FLNA: variants seen among roughly 807,000 people sequenced by gnomAD.
FLNA encodes the protein filamin-A.
A neutral mutation model predicts 157.6 loss-of-function variants in FLNA; 7 were observed. The observed-to-expected ratio is 0.04, with a 90% CI of 0.03 to 0.08. The LOEUF (loss-of-function observed/expected upper bound fraction) is 0.08. FLNA is among the 10% of genes least tolerant of loss of function. The pLI, the probability that FLNA is intolerant of heterozygous loss-of-function variation, is 1.00. For missense variants in FLNA, 1,750 were observed against 2,398.4 expected, an observed-to-expected ratio of 0.73 and a Z score of 5.65; for synonymous variants, 1,103 against 1,060.8, an observed-to-expected ratio of 1.04 and a Z score of -0.77.
rs1557177380 is a variant in FLNA at position 154,359,013 on chromosome X, G to A, written c.4445C>T (p.Pro1482Leu). 1 of 1,211,386 alleles carries A rather than the reference G, an allele frequency of 8.3e-7. No individual in the cohort carries two copies. The highest frequency in any genetic ancestry group is 1.7e-5 in the African/African-American group (1 of 57,955). Residue 1482 changes from proline to leucine, a missense_variant, in exon 26 of 48, where the codon CCA becomes CTA. By Grantham distance (98) the Pro-to-Leu change is moderately conservative. Transcript: ENST00000369850. ...QVDTSKAGVA[P>L]LQVKVQGPKG... ...GGGCCCTTGCACTTTGACCTGCAAT[G>A]GGGCCACACCAGCCTTGCTTGTGTC... is the stretch of plus-strand genomic sequence containing the variant.
chrX:154,351,762 C>G (rs973473822), intron 42 of FLNA, 66 bp from the exon 43 acceptor site: 22 of 1,111,757 alleles, frequency 2.0e-5, no homozygotes, highest in Non-Finnish European at 2.6e-5. Flanking sequence ...CACGAACAGC[C>G]TGGGTGGCCC....
At chrX:154,368,391 G>C (rs1185702052) in intron 2 of FLNA, among the ~76,000 whole-genome samples, 5 of 112,249 alleles carry the variant, frequency 4.5e-5, no homozygotes, top group African/African-American at 1.6e-4. Context: ...GGCAGACCCA[G>C]CCTGCAGATG....
In FLNA at chrX:154,367,449, C is replaced by T; in HGVS notation, c.816G>A (p.Gly272=). 2.5e-6 allele frequency: 3 copies of T among 1,211,745 alleles called. No homozygotes were observed. The highest frequency in any genetic ancestry group is 3.4e-6 in the Non-Finnish European group (3 of 895,500). ...SQFPKAKLKP[G]APLRPKLNPK... ...GGTTCAGTTTGGGCCGCAAGGGAGC[C>T]CCTGGCTTCAGCTTGGCCTTGGGGA... The change falls in exon 5 of 48, where the codon GGG becomes GGA. Residue 272 remains glycine (G), a synonymous_variant. Coordinates refer to ENST00000369850, the MANE Select transcript of FLNA (RefSeq NM_001110556.2).
chrX:154,354,676 A>G lies in FLNA; in HGVS notation c.5253T>C (p.Pro1751=), dbSNP rs2067648611. ...GTGGGGCCAGCTGCTGAGACCGTAG[A>G]GGGGGCTGCACCGAGGGCTGGTCCC... The part of the protein sequence containing the change: ...LAGDQPSVQP[P]LRSQQLAPQY... Residue 1751 remains proline (P), a synonymous_variant, in exon 32 of 48, where the codon CCT becomes CCC. Transcript: ENST00000369850. The G allele has an allele frequency of 8.3e-7, 1 of 1,206,530 alleles. No homozygotes were observed. Among genetic ancestry groups the G allele is most frequent in the African/African-American group, 1.7e-5 (1 of 57,475 alleles).
At chrX:154,368,250 C>T (rs1557179717) in intron 2 of FLNA, among the ~76,000 whole-genome samples, 160 bp from the exon 3 acceptor site, 1 of 111,142 alleles carries the variant, frequency 9.0e-6, no homozygotes, top group Non-Finnish European at 1.9e-5. Flanking sequence ...GCCCTCTCTG[C>T]CCAGGGTCCC....
Position 154,360,366 on chromosome X carries a change from G to C in FLNA, c.3429C>G (p.Thr1143=), listed in dbSNP as rs183899917. Residue 1143 remains threonine (T), a synonymous_variant, in exon 22 of 48, where the codon ACC becomes ACG. Transcript: ENST00000369850. ...DYNINILFAD[T]HIPGSPFKAH... ...CCTTGAATGGGGAGCCAGGGATGTG[G>C]GTGTCAGCGAAGAGGATGTTGATGT... 309 of 1,210,571 alleles carry C rather than the reference G, an allele frequency of 2.6e-4. No homozygotes were observed. The highest frequency in any genetic ancestry group is 3.2e-4 in the Non-Finnish European group (290 of 895,323).
chrX:154,361,046 C>CAA (rs59672916), intron 21 of FLNA, among the ~76,000 whole-genome samples: 401 of 20,005 alleles, frequency 0.02, 52 homozygotes, highest in Admixed American at 0.031. Flanking sequence ...GACTCTTTCT[C>CAA]AAAAAAAAAA....
chrX:154,361,169 G>A, intron 21 of FLNA, 139 bp downstream of exon 21: 1 of 567,331 alleles, frequency 1.8e-6, no homozygotes, highest in Non-Finnish European at 2.7e-6. Context: ...CACTTAAACA[G>A]GGTCAAGGTT....
At chrX:154,349,131 G>T in intron 47 of FLNA, 95 bp from the exon 48 acceptor site, 1 of 939,934 alleles carries the variant, frequency 1.1e-6, no homozygotes, top group Non-Finnish European at 1.5e-6. Context: ...GTTCTGGGGT[G>T]ACAGTTCTCT....
chrX:154,374,100 G>C (rs2067826234), intron 1 of FLNA, among the ~76,000 whole-genome samples: 1 of 112,541 alleles, frequency 8.9e-6, no homozygotes, highest in South Asian at 3.6e-4. Context: ...CCCCCTCCCA[G>C]TGGGCACACT....
In FLNA at chrX:154,353,687, T is replaced by A. The variant is rs1381370972; in HGVS notation, c.5727A>T (p.Glu1909Asp). 1 of 1,210,389 alleles carries A rather than the reference T, an allele frequency of 8.3e-7. No individual in the cohort carries two copies. Among genetic ancestry groups the A allele is most frequent in the Non-Finnish European group, 1.1e-6 (1 of 895,136 alleles). Residue 1909 changes from glutamate to aspartate, a missense_variant, in exon 36 of 48, where the codon GAA (glutamate) becomes GAT (aspartate). Transcript: ENST00000369850. Reference sequence around the variant, plus strand: ...CATCCTGGTTGTCAGTGCAGCTGATTTCTGCTTTGGACGGGCCCTCAATGG... The same window carrying A: ...CATCCTGGTTGTCAGTGCAGCTGATATCTGCTTTGGACGGGCCCTCAATGG... ...SLAIEGPSKA[E>D]ISCTDNQDGT... is the part of the protein sequence containing the mutation.
rs782050553 is a variant in FLNA, at chrX:154,362,468, T to C, written c.2515A>G (p.Thr839Ala). 2.5e-6 allele frequency: 3 copies of C among 1,210,404 alleles called. No individual in the cohort carries two copies. The highest frequency in any genetic ancestry group is 1.7e-5 in the African/African-American group (1 of 57,486). Residue 839 changes from threonine (T) to alanine (A), a missense_variant, in exon 17 of 48, where the codon ACG becomes GCG. Physicochemically the swap from Thr to Ala is moderately conservative, Grantham distance 58 (BLOSUM62 0). This residue lies in a region of FLNA where 648 missense variants were observed against 805.8 expected (regional missense o/e 0.80). Transcript: ENST00000369850. ...GTGTAGCTGCCAGCCCCCCGGGGCG[T>C]GTACTTGACCGTGAAGGTGTCATTG... ...NDNDTFTVKY[T>A]PRGAGSYTIM...
chrX:154,349,515 C>T lies in FLNA; in HGVS notation c.7603G>A (p.Val2535Ile). ...HSLHETSSVF[V>I]DSLTKATCAP... Reference sequence around the variant, plus strand: ...CAGGTGGCCTTGGTCAGAGAGTCTACAAACACTGATGATGTCTCGTGGAGG... The same window carrying T: ...CAGGTGGCCTTGGTCAGAGAGTCTATAAACACTGATGATGTCTCGTGGAGG... Residue 2535 changes from valine to isoleucine, a missense_variant, in exon 47 of 48, where the codon GTA becomes ATA. Around this residue, in one of 5 missense-constraint regions of FLNA, gnomAD observed 970 missense variants for 1,302.6 expected, o/e 0.74. Coordinates refer to ENST00000369850, the MANE Select transcript of FLNA (RefSeq NM_001110556.2). 1.6e-6 allele frequency: 2 copies of T among 1,212,363 alleles called. No homozygotes were observed. Among genetic ancestry groups the T allele is most frequent in the Non-Finnish European group, 1.1e-6 (1 of 895,575 alleles).
chrX:154,363,006 T>C (rs781974358), intron 15 of FLNA, among the ~76,000 whole-genome samples: 2 of 112,941 alleles, frequency 1.8e-5, no homozygotes, highest in Non-Finnish European at 3.7e-5. Context: ...CTGGACTCAC[T>C]GTTAACAGCA....
Position 154,349,750 on chromosome X carries a change from C to T in FLNA, c.7451G>A (p.Arg2484His), listed in dbSNP as rs782338659. The T allele has an allele frequency of 1.6e-5, 19 of 1,210,495 alleles. No homozygotes were observed. Among genetic ancestry groups the T allele is most frequent in the African/African-American group, 3.5e-5 (2 of 57,530 alleles). Residue 2484 changes from arginine to histidine, a missense_variant, in exon 46 of 48, where the codon CGC becomes CAC. Transcript: ENST00000369850. Reference protein sequence around the residue: ...MDCQECPEGYRVTYTPMAPGS... With the variant: ...MDCQECPEGYHVTYTPMAPGS... Reference sequence around the variant, plus strand: ...AGGTGCCATGGGGGTATAGGTGACGCGGTAGCCCTCAGGGCACTCCTGGCA... The same window carrying T: ...AGGTGCCATGGGGGTATAGGTGACGTGGTAGCCCTCAGGGCACTCCTGGCA...
chrX:154,351,106 C>T, intron 43 of FLNA, 65 bp from the exon 44 acceptor site: 2 of 1,161,534 alleles, frequency 1.7e-6, no homozygotes, highest in South Asian at 3.6e-5. Context: ...GACGGAAAGG[C>T]CCCAGGAGCA....
At chrX:154,371,463 G>GCCCCA (rs2067807897) in intron 1 of FLNA, 102 bp from the exon 2 acceptor site, 1 of 405,660 alleles carries the variant, frequency 2.5e-6, no homozygotes, top group Non-Finnish European at 4.2e-6. Flanking sequence ...GGGCGCGCCT[G>GCCCCA]CCCCACCCCG....
At position 154,371,199 on chromosome X, in the gene FLNA, G is replaced by A; in HGVS notation, c.47C>T (p.Ala16Val). ...SRAGQSAAGA[A>V]PGGGVDTRDA... is the part of the protein sequence containing the mutation. ...CCGCGTGTCGACGCCGCCGCCCGGAGCCGCGCCTGCTGCGCTCTGGCCCGC... is the reference window on the plus strand; with the variant it reads ...CCGCGTGTCGACGCCGCCGCCCGGAACCGCGCCTGCTGCGCTCTGGCCCGC... Residue 16 changes from alanine to valine, a missense_variant, in exon 2 of 48, where the codon GCT becomes GTT. Physicochemically the swap from Ala to Val is moderately conservative, Grantham distance 64 (BLOSUM62 0). Transcript: ENST00000369850. The A allele has an allele frequency of 1.7e-6, 2 of 1,196,761 alleles. No homozygotes were observed. The highest frequency in any genetic ancestry group is 3.5e-5 in the African/African-American group (2 of 57,895).
chrX:154,367,598 C>T (rs782011432), intron 4 of FLNA, 43 bp downstream of exon 4: 7 of 1,209,319 alleles, frequency 5.8e-6, no homozygotes, highest in African/African-American at 3.5e-5. Context: ...TCCCAACTGC[C>T]GATCCGGTCC....
Sources: gnomAD v4.1 joint callset for allele counts (sites outside exome capture counted in the v4.1 genomes callset) on GRCh38, gnomAD v4.1.1 for gene constraint, gnomAD v4.1.1 regional missense constraint, MANE v1.5 for transcripts, NCBI Gene and HGNC (gene_info 2026-07-23, HGNC 2026-07-21) for gene names.